NBEAL1: variants seen among roughly 807,000 people sequenced by gnomAD.
NBEAL1 encodes the protein neurobeachin like 1, also known as neurobeachin-like protein 1.
A neutral mutation model predicts 351.3 loss-of-function variants in NBEAL1; 273 were observed. That is an observed-to-expected ratio of 0.78 (90% CI 0.70 to 0.86). NBEAL1 has a LOEUF of 0.86. NBEAL1 is among the 40% of genes least tolerant of loss of function. The probability of loss-of-function intolerance (pLI) is 0.00; values close to 1 mark genes in which losing one functional copy is unlikely to be tolerated. For missense variants in NBEAL1, 2,961 were observed against 3,201.3 expected, an observed-to-expected ratio of 0.92 and a Z score of 1.81; for synonymous variants, 1,050 against 1,086.4, an observed-to-expected ratio of 0.97 and a Z score of 0.66.
chr2:203,215,095 C>T (rs2065874353), intron 55 of NBEAL1, among the ~76,000 whole-genome samples: 1 of 152,148 alleles, frequency 6.6e-6, no homozygotes, highest in Non-Finnish European at 1.5e-5. Context: ...CGGTGGCTCA[C>T]ACCTGTAATC....
chr2:203,135,938 A>C lies in NBEAL1; in HGVS notation c.4075A>C (p.Ser1359Arg), dbSNP rs201246207. 1.7e-4 allele frequency: 281 copies of C among 1,614,148 alleles called. No homozygotes were observed. The South Asian group carries it at 2.0e-3, about 12-fold the overall frequency. The change falls in exon 28 of 56, where the codon AGT becomes CGT. Residue 1359 changes from serine (S) to arginine (R), a missense_variant. Ser to Arg is a moderately radical substitution (Grantham distance 110). Transcript: ENST00000683969. The stretch of plus-strand genomic sequence containing the variant: ...AGCTAATGTGTCTTCGGATCAGTGG[A>C]GTTTGGAGGATAGACACTCTTTAGA... ...ASANVSSDQW[S>R]LEDRHSLDSN...
chr2:203,140,988 A>T lies in NBEAL1; in HGVS notation c.4848+2240A>T, dbSNP rs538664277. ...AGTAAGACTCTGTCTCAAAATAAAT[A>T]AATTAATTAATTAATTAAAATAAAA... On this transcript the variant is annotated intron_variant, in intron 31 of 55. Transcript: ENST00000683969. 8.7e-4 allele frequency among the ~76,000 whole-genome samples: 133 copies of T among 152,128 alleles called. 1 individual carries two copies. The highest frequency in any genetic ancestry group is 3.0e-3 in the African/African-American group (125 of 41,526).
intron 42 of NBEAL1, 36 bp downstream of exon 42, chr2:203,175,323 T>C (rs1454964341): frequency 6.2e-7 from 1 of 1,607,254 alleles, no homozygotes; most frequent in Non-Finnish European, 8.5e-7. Context: ...TTTTTATGAC[T>C]ATGTTAGTGT....
chr2:203,202,707 A>T lies in NBEAL1; in HGVS notation c.7432A>T (p.Thr2478Ser), dbSNP rs746564808. 6.3e-7 allele frequency: 1 copy of T among 1,595,874 alleles called. No homozygotes were observed. Among genetic ancestry groups the T allele is most frequent in the Non-Finnish European group, 8.6e-7 (1 of 1,163,828 alleles). The change falls in exon 51 of 56, where the codon ACA becomes TCA. Residue 2478 changes from threonine (T) to serine (S), a missense_variant. Thr to Ser is a moderately conservative substitution (Grantham distance 58). Coordinates refer to ENST00000683969, the MANE Select transcript of NBEAL1 (RefSeq NM_001378026.1). ...TACAGATATTGTGACTTGCTTAGCT[A>T]CAGATTACTGTGGAATACATTTGAT... ...RHMDIVTCLATDYCGIHLISG... is the reference protein window; with the variant it reads ...RHMDIVTCLASDYCGIHLISG...
intron 12 of NBEAL1, among the ~76,000 whole-genome samples, chr2:203,105,078 G>A (rs2062404246): frequency 6.6e-6 from 1 of 151,792 alleles, no homozygotes; most frequent in African/African-American, 2.4e-5. Context: ...AGGCTGGTCT[G>A]GAACTCCTGA....
intron 51 of NBEAL1, among the ~76,000 whole-genome samples, chr2:203,203,065 T>G (rs1321297167): frequency 6.6e-6 from 1 of 152,266 alleles, no homozygotes; most frequent in Admixed American, 6.5e-5. Flanking sequence ...ATTTCTGCTT[T>G]CTTTCTTGTG....
At chr2:203,206,192 G>A in intron 51 of NBEAL1, among the ~76,000 whole-genome samples, 1 of 152,114 alleles carries the variant, frequency 6.6e-6, no homozygotes, top group Non-Finnish European at 1.5e-5. Flanking sequence ...ATTATAAGAA[G>A]AAAACGAAGG....
At chr2:203,017,713 A>G (rs1574850681) in intron 2 of NBEAL1, among the ~76,000 whole-genome samples, 1 of 152,134 alleles carries the variant, frequency 6.6e-6, no homozygotes, top group East Asian at 1.9e-4. Context: ...TACGTGTCTC[A>G]TTAATAAGTT....
At position 203,113,121 on chromosome 2, in the gene NBEAL1, C is replaced by T. The variant is rs2062609939; in HGVS notation, c.2309C>T (p.Thr770Ile). The T allele has an allele frequency of 2.6e-6, 4 of 1,553,086 alleles. No homozygotes were observed. Among genetic ancestry groups the T allele is most frequent in the South Asian group, 1.2e-5 (1 of 84,092 alleles). Residue 770 changes from threonine to isoleucine, a missense_variant, in exon 17 of 56, where the codon ACA becomes ATA. By Grantham distance (89) the Thr-to-Ile change is moderately conservative (BLOSUM62 -1). Coordinates refer to ENST00000683969, the MANE Select transcript of NBEAL1 (RefSeq NM_001378026.1). ...TCTTCTCCCATTACCCCTCATCGGACATCATTTGGTGGAATTCTGTCATCA... is the reference window on the plus strand; with the variant it reads ...TCTTCTCCCATTACCCCTCATCGGATATCATTTGGTGGAATTCTGTCATCA... ...PFSSPITPHR[T>I]SFGGILSSAS...
chr2:203,131,550 A>G (rs1298878908), intron 25 of NBEAL1, among the ~76,000 whole-genome samples: 10 of 152,212 alleles, frequency 6.6e-5, no homozygotes, highest in Admixed American at 4.6e-4. Context: ...ACATTATACT[A>G]TAATAGGGAG....
At chr2:203,031,003 A>G (rs1451228855) in intron 2 of NBEAL1, among the ~76,000 whole-genome samples, 4 of 152,246 alleles carry the variant, frequency 2.6e-5, no homozygotes, top group African/African-American at 4.8e-5. Context: ...CAGATTCTAT[A>G]TATCACGGAA....
chr2:203,155,501 G>T (rs934399110), intron 35 of NBEAL1, among the ~76,000 whole-genome samples: 2 of 151,956 alleles, frequency 1.3e-5, no homozygotes, highest in African/African-American at 4.8e-5. Context: ...CAGTGGTGCA[G>T]TCACCACTCA....
intron 7 of NBEAL1, among the ~76,000 whole-genome samples, chr2:203,070,313 G>T (rs2061659552): frequency 7.0e-6 from 1 of 142,982 alleles, no homozygotes; most frequent in African/African-American, 2.6e-5. Flanking sequence ...ACTACCTTTG[G>T]TTGTGATTAT....
chr2:203,111,021 G>A (rs2062561130), intron 15 of NBEAL1, among the ~76,000 whole-genome samples: 2 of 151,964 alleles, frequency 1.3e-5, no homozygotes, highest in Admixed American at 6.6e-5. Flanking sequence ...ATCTCTATAA[G>A]TAAATTTAAT....
intron 37 of NBEAL1, among the ~76,000 whole-genome samples, chr2:203,166,936 A>G (rs2064151808): frequency 6.6e-6 from 1 of 152,134 alleles, no homozygotes; most frequent in African/African-American, 2.4e-5. Context: ...TGTGATAATA[A>G]AAGGATGAAT....
Position 203,220,201 on chromosome 2 carries a change from C to T in NBEAL1, c.*2847C>T, listed in dbSNP as rs931040848. On this transcript the variant is annotated 3_prime_UTR_variant, in exon 56 of 56. Transcript: ENST00000683969. ...AAGTTGGCTCTTACAAAGTCTGTTACCTGGCCAATTGTGGTGGCTCACGCC... is the reference window on the plus strand; with the variant it reads ...AAGTTGGCTCTTACAAAGTCTGTTATCTGGCCAATTGTGGTGGCTCACGCC... Among the ~76,000 whole-genome samples the T allele has an allele frequency of 5.3e-5, 8 of 152,006 alleles. No homozygotes were observed. The highest frequency in any genetic ancestry group is 1.7e-4 in the African/African-American group (7 of 41,412).
In NBEAL1 at chr2:203,057,362, C is replaced by A; in HGVS notation, c.424C>A (p.Gln142Lys). The A allele has an allele frequency of 1.3e-6, 2 of 1,550,728 alleles. No homozygotes were observed. Among genetic ancestry groups the A allele is most frequent in the Non-Finnish European group, 1.7e-6 (2 of 1,145,758 alleles). Residue 142 changes from glutamine (Q) to lysine (K), a missense_variant, in exon 6 of 56, where the codon CAG (glutamine) becomes AAG (lysine). Physicochemically the swap from Gln to Lys is moderately conservative, Grantham distance 53. Coordinates refer to ENST00000683969, the MANE Select transcript of NBEAL1 (RefSeq NM_001378026.1). ...AAAAAAAGAGAAGGAAATGGCAGAT[C>A]AGACATGTATTGAAGAATTTGTGAT... is the stretch of plus-strand genomic sequence containing the variant. ...SKKKEKEMADQTCIEEFVIHA... is the reference protein window; with the variant it reads ...SKKKEKEMADKTCIEEFVIHA...
intron 8 of NBEAL1, among the ~76,000 whole-genome samples, chr2:203,080,943 AAC>A (rs2061860851): frequency 6.6e-6 from 1 of 152,146 alleles, no homozygotes; most frequent in Non-Finnish European, 1.5e-5. Flanking sequence ...TCTTTTCGAA[AAC>A]ACAGAGACTT....
intron 3 of NBEAL1, among the ~76,000 whole-genome samples, chr2:203,044,631 G>A (rs560348919): frequency 8.5e-5 from 13 of 152,148 alleles, no homozygotes; most frequent in Admixed American, 5.2e-4. Context: ...TTAATACTGT[G>A]TTTCATGTTT....
Sources: allele counts gnomAD v4.1 joint callset (sites outside exome capture counted in the v4.1 genomes callset), GRCh38; gene constraint gnomAD v4.1.1; transcripts MANE v1.5; gene names NCBI Gene and HGNC (gene_info 2026-07-23, HGNC 2026-07-21).